FARS2: variants seen among roughly 807,000 people sequenced by gnomAD.
FARS2 encodes phenylalanyl-tRNA synthetase 2, mitochondrial, also known as phenylalanine--tRNA ligase, mitochondrial.
In FARS2, 40 loss-of-function variants were observed where a neutral mutation model predicts 46.4. That is an observed-to-expected ratio of 0.86 (90% CI 0.67 to 1.12). The LOEUF (loss-of-function observed/expected upper bound fraction) is 1.12, where lower values mean the gene tolerates loss of function less well. Ranked by LOEUF, FARS2 falls within the 50% of genes most tolerant of loss-of-function variation. The pLI is 0.00. For synonymous variants in FARS2, 234 were observed against 214.9 expected, an observed-to-expected ratio of 1.09 and a Z score of -0.78; for missense variants, 513 against 567.9, an observed-to-expected ratio of 0.90 and a Z score of 0.98.
At chr6:5,260,619 C>A (rs1038408815), upstream of FARS2, 1 of 1,500,894 alleles carries the variant, frequency 6.7e-7, no homozygotes, top group Non-Finnish European at 8.9e-7. Context: ...TGGCCCCCCG[C>A]CCCCGGCCCC....
chr6:5,307,193 C>T (rs768786245), intron 1 of FARS2, among the ~76,000 whole-genome samples: 17 of 152,170 alleles, frequency 1.1e-4, no homozygotes, highest in Non-Finnish European at 2.4e-4. Context: ...GCTCTTTCCA[C>T]ATGTTGTCCA....
intron 6 of FARS2, among the ~76,000 whole-genome samples, chr6:5,763,757 C>T (rs924449754): frequency 1.6e-5 from 2 of 123,016 alleles, no homozygotes; most frequent in African/African-American, 2.8e-5. Flanking sequence ...TTCATCTTCT[C>T]TTCCCTTTTG....
chr6:5,354,282 C>T (rs146973509), intron 1 of FARS2, among the ~76,000 whole-genome samples: 113 of 152,126 alleles, frequency 7.4e-4, no homozygotes, highest in African/African-American at 2.4e-3. Context: ...GCATGAAAGC[C>T]TGAGACTCAG....
At chr6:5,542,230 C>T (rs1770682655) in intron 4 of FARS2, among the ~76,000 whole-genome samples, 1 of 152,152 alleles carries the variant, frequency 6.6e-6, no homozygotes, top group Non-Finnish European at 1.5e-5. Flanking sequence ...CAGCAGGTCT[C>T]ATCCTTATTT....
chr6:5,388,310 C>G (rs1392847135), intron 2 of FARS2, among the ~76,000 whole-genome samples: 1 of 152,152 alleles, frequency 6.6e-6, no homozygotes, highest in Non-Finnish European at 1.5e-5. Flanking sequence ...GGGATTTTAT[C>G]AAGTTCATAT....
chr6:5,469,093 A>T (rs1184980767), intron 4 of FARS2, among the ~76,000 whole-genome samples: 1 of 152,198 alleles, frequency 6.6e-6, no homozygotes, highest in Non-Finnish European at 1.5e-5. Flanking sequence ...ACTGACATGA[A>T]TCCCTTACAC....
At chr6:5,317,808 A>T (rs188002018) in intron 1 of FARS2, among the ~76,000 whole-genome samples, 102 of 151,854 alleles carry the variant, frequency 6.7e-4, no homozygotes, top group Non-Finnish European at 1.3e-3. Flanking sequence ...AATTAATACC[A>T]GCCAAACAAA....
intron 1 of FARS2, among the ~76,000 whole-genome samples, chr6:5,300,343 CA>C (rs1212547986): frequency 1.3e-5 from 2 of 152,206 alleles, no homozygotes; most frequent in Non-Finnish European, 2.9e-5. Flanking sequence ...TAGTCATACA[CA>C]GCTGCTGATT....
chr6:5,513,082 A>T (rs1007076438), intron 4 of FARS2, among the ~76,000 whole-genome samples: 1 of 152,088 alleles, frequency 6.6e-6, no homozygotes, highest in African/African-American at 2.4e-5. Context: ...GGCTATGGGA[A>T]TATTTCCTAG....
At chr6:5,432,626 G>A (rs1165599535) in intron 4 of FARS2, among the ~76,000 whole-genome samples, 1 of 149,120 alleles carries the variant, frequency 6.7e-6, no homozygotes, top group Non-Finnish European at 1.5e-5. Flanking sequence ...CACCAAATTG[G>A]ATAGGAACTG....
chr6:5,288,492 A>G (rs1349955361), intron 1 of FARS2, among the ~76,000 whole-genome samples: 1 of 152,106 alleles, frequency 6.6e-6, no homozygotes, highest in Admixed American at 6.5e-5. Flanking sequence ...TGTTCTTCTC[A>G]CTTGTGCACT....
intron 1 of FARS2, among the ~76,000 whole-genome samples, chr6:5,262,648 A>C (rs1765266469): frequency 6.6e-6 from 1 of 152,164 alleles, no homozygotes; most frequent in African/African-American, 2.4e-5. Context: ...TGTACTTGCA[A>C]CCTGGTGTCC....
intron 5 of FARS2, chr6:5,610,169 G>C: frequency 2.1e-6 from 2 of 950,400 alleles, no homozygotes; most frequent in Non-Finnish European, 3.3e-6. Flanking sequence ...TCAGCTATTC[G>C]GGCTCTTTAG....
chr6:5,283,578 A>G (rs1052687251), intron 1 of FARS2, among the ~76,000 whole-genome samples: 2 of 151,722 alleles, frequency 1.3e-5, no homozygotes, highest in African/African-American at 4.8e-5. Context: ...CAGAAGGCAT[A>G]AATACATACA....
intron 6 of FARS2, among the ~76,000 whole-genome samples, chr6:5,664,802 C>A (rs1778026557): frequency 1.3e-5 from 2 of 152,136 alleles, no homozygotes; most frequent in South Asian, 4.1e-4. Context: ...GTCTATCATT[C>A]AGTAGCTCAA....
chr6:5,500,057 G>A (rs745924773), intron 4 of FARS2, among the ~76,000 whole-genome samples: 2 of 152,192 alleles, frequency 1.3e-5, no homozygotes, highest in Non-Finnish European at 2.9e-5. Context: ...CTTTCCAAAT[G>A]TGTTGTTTTA....
chr6:5,485,461 G>A (rs1248717266), intron 4 of FARS2, among the ~76,000 whole-genome samples: 3 of 143,136 alleles, frequency 2.1e-5, no homozygotes, highest in Non-Finnish European at 3.0e-5. Context: ...AGTTCTTAAC[G>A]TTGTCTTCAT....
At chr6:5,345,319 A>G (rs1029051588) in intron 1 of FARS2, among the ~76,000 whole-genome samples, 4 of 152,194 alleles carry the variant, frequency 2.6e-5, no homozygotes, top group African/African-American at 9.7e-5. Context: ...TTGATCTGCT[A>G]CAGAGGTGAA....
At chr6:5,344,117 C>T (rs1202665074) in intron 1 of FARS2, among the ~76,000 whole-genome samples, 1 of 152,276 alleles carries the variant, frequency 6.6e-6, no homozygotes, top group East Asian at 1.9e-4. Flanking sequence ...GATGTGGTGA[C>T]CTCAGAGCAA....
Sources: gnomAD v4.1 joint callset for allele counts (sites outside exome capture counted in the v4.1 genomes callset) on GRCh38, gnomAD v4.1.1 for gene constraint, MANE v1.5 for transcripts, NCBI Gene and HGNC (gene_info 2026-07-23, HGNC 2026-07-21) for gene names.